Variants in KCNQ5 observed in about 807,000 individuals in gnomAD.
The protein encoded by KCNQ5 is potassium voltage-gated channel subfamily Q member 5, also known as potassium voltage-gated channel subfamily KQT member 5.
Under a neutral mutation model 98.2 loss-of-function variants are expected in KCNQ5, and 30 were observed. The ratio of observed to expected loss-of-function variants is 0.31; its 90% CI spans 0.23 to 0.41. The LOEUF is 0.41. KCNQ5 is among the 10% of genes least tolerant of loss of function. The probability of loss-of-function intolerance (pLI) is 1.00; values close to 1 mark genes in which losing one functional copy is unlikely to be tolerated. For missense variants in KCNQ5, 835 were observed against 1,182.5 expected (o/e 0.71, Z 4.31); for synonymous variants, 458 against 449.4 (o/e 1.02, Z -0.24).
chr6:73,080,782 C>T (rs1773731240), intron 5 of KCNQ5, among the ~76,000 whole-genome samples: 1 of 152,062 alleles, frequency 6.6e-6, no homozygotes, highest in Non-Finnish European at 1.5e-5. Flanking sequence ...CATTAAGTAT[C>T]AAAATATAGG....
intron 5 of KCNQ5, among the ~76,000 whole-genome samples, chr6:73,087,384 G>A (rs1774030993): frequency 6.6e-6 from 1 of 152,168 alleles, no homozygotes; most frequent in South Asian, 2.1e-4. Context: ...TGGAGCTCTT[G>A]GTTAAGACAG....
chr6:72,645,220 A>AC (rs143941812), intron 1 of KCNQ5, among the ~76,000 whole-genome samples: 20,981 of 148,118 alleles, frequency 0.14, 1,687 homozygotes, highest in East Asian at 0.21. Context: ...AAAACAAAAA[A>AC]AAACAAAAAA....
At chr6:72,771,118 G>A (rs1772851687) in intron 1 of KCNQ5, among the ~76,000 whole-genome samples, 1 of 152,228 alleles carries the variant, frequency 6.6e-6, no homozygotes, top group East Asian at 1.9e-4. Context: ...TGGAGCGTGA[G>A]TGGGGATGAA....
intron 5 of KCNQ5, among the ~76,000 whole-genome samples, chr6:73,090,228 A>G (rs891716276): frequency 6.6e-6 from 1 of 151,888 alleles, no homozygotes; most frequent in South Asian, 2.1e-4. Context: ...TTGTCTATTC[A>G]TGTCCTTAGC....
chr6:72,665,602 G>A (rs1300272182), intron 1 of KCNQ5, among the ~76,000 whole-genome samples: 2 of 152,134 alleles, frequency 1.3e-5, no homozygotes, highest in African/African-American at 4.8e-5. Flanking sequence ...TCACATGGGG[G>A]CATTAGAAGC....
chr6:72,649,656 A>C (rs1765777025), intron 1 of KCNQ5, among the ~76,000 whole-genome samples: 1 of 152,166 alleles, frequency 6.6e-6, no homozygotes, highest in Admixed American at 6.6e-5. Flanking sequence ...TCTTTAAAGA[A>C]TAAAACTACT....
At chr6:73,029,729 C>T (rs1317033523) in intron 2 of KCNQ5, among the ~76,000 whole-genome samples, 1 of 151,196 alleles carries the variant, frequency 6.6e-6, no homozygotes, top group Admixed American at 6.6e-5. Context: ...GTCAGGAGAT[C>T]GAGACCATCC....
At chr6:73,158,215 T>TCA in intron 10 of KCNQ5, 1 of 227,996 alleles carries the variant, frequency 4.4e-6, no homozygotes, top group Non-Finnish European at 8.7e-6. Flanking sequence ...CCCAGCGTTG[T>TCA]GTGGGCATGG....
At chr6:72,642,774 A>C (rs1217332968) in intron 1 of KCNQ5, among the ~76,000 whole-genome samples, 1 of 152,170 alleles carries the variant, frequency 6.6e-6, no homozygotes, top group Non-Finnish European at 1.5e-5. Flanking sequence ...ACCCAAAGGA[A>C]TATAAATGGT....
intron 1 of KCNQ5, among the ~76,000 whole-genome samples, chr6:72,979,919 T>C (rs1403558744): frequency 5.3e-5 from 8 of 152,210 alleles, no homozygotes; most frequent in African/African-American, 1.9e-4. Flanking sequence ...CCAGCACCAT[T>C]TATTAAATAG....
intron 11 of KCNQ5, among the ~76,000 whole-genome samples, chr6:73,178,980 A>G (rs909843537): frequency 1.3e-5 from 2 of 152,148 alleles, no homozygotes; most frequent in Admixed American, 6.6e-5. Flanking sequence ...CCCGTGATCA[A>G]TTTCGAGTGA....
chr6:72,930,606 A>T (rs1159713267), intron 1 of KCNQ5, among the ~76,000 whole-genome samples: 2 of 147,714 alleles, frequency 1.4e-5, no homozygotes, highest in African/African-American at 2.5e-5. Context: ...AAAACCGCTC[A>T]AATGGTCCTT....
intron 11 of KCNQ5, 130 bp downstream of exon 11, chr6:73,169,984 T>C (rs898480541): frequency 7.6e-6 from 5 of 661,974 alleles, no homozygotes; most frequent in Admixed American, 7.0e-5. Context: ...TTCATCCATA[T>C]GCCTATTGAA....
intron 1 of KCNQ5, chr6:72,986,763 G>A: frequency 6.7e-7 from 1 of 1,484,402 alleles, no homozygotes; most frequent in South Asian, 1.1e-5. Flanking sequence ...CCAGACCCCA[G>A]ACAGGGTGAA....
At chr6:73,042,468 C>G (rs893714464) in intron 3 of KCNQ5, among the ~76,000 whole-genome samples, 1 of 152,110 alleles carries the variant, frequency 6.6e-6, no homozygotes, top group African/African-American at 2.4e-5. Flanking sequence ...TATAAAAAAC[C>G]CTTTTTGCTC....
chr6:73,100,292 G>A (rs904228354), intron 5 of KCNQ5, among the ~76,000 whole-genome samples: 1 of 152,076 alleles, frequency 6.6e-6, no homozygotes, highest in African/African-American at 2.4e-5. Context: ...AAGAGCAAGA[G>A]TAAACCAAAC....
chr6:72,652,932 G>A (rs1357528491), intron 1 of KCNQ5, among the ~76,000 whole-genome samples: 2 of 152,020 alleles, frequency 1.3e-5, no homozygotes, highest in East Asian at 1.9e-4. Flanking sequence ...TTATATATAC[G>A]TATATAAAGC....
At chr6:72,926,879 A>C (rs951605662) in intron 1 of KCNQ5, among the ~76,000 whole-genome samples, 1 of 152,112 alleles carries the variant, frequency 6.6e-6, no homozygotes, top group Non-Finnish European at 1.5e-5. Flanking sequence ...GCACCTCTTA[A>C]TAAAGGGAAT....
intron 11 of KCNQ5, among the ~76,000 whole-genome samples, chr6:73,175,203 T>A (rs1582488551): frequency 6.6e-6 from 1 of 151,248 alleles, no homozygotes; most frequent in Admixed American, 6.6e-5. Context: ...CAGGCTGGAG[T>A]GCAACGGCGC....
Sources: allele counts gnomAD v4.1 joint callset (sites outside exome capture counted in the v4.1 genomes callset), GRCh38; gene constraint gnomAD v4.1.1; transcripts MANE v1.5; gene names NCBI Gene and HGNC (gene_info 2026-07-23, HGNC 2026-07-21).